NDST1: variants seen among roughly 807,000 people sequenced by gnomAD.
The protein encoded by NDST1 is bifunctional heparan sulfate N-deacetylase/N-sulfotransferase 1.
NDST1 carries 35 observed loss-of-function variants against 92.8 expected under a neutral mutation model. That is an observed-to-expected ratio of 0.38 (90% CI 0.29 to 0.50). The LOEUF is 0.50. Ranked by LOEUF, NDST1 falls within the 20% of genes least tolerant of loss-of-function variation. NDST1 has a pLI of 0.94. For missense variants in NDST1, 822 were observed against 1,182.7 expected (o/e 0.69, Z 4.47); for synonymous variants, 493 against 500.3 (o/e 0.99, Z 0.19).
Position 150,554,050 on chromosome 5 carries a change from A to G in NDST1, c.*718A>G, listed in dbSNP as rs1200643939. ...ACCCCTTTCTTCCCCCTGGGATATG[A>G]TGTGTGGTGTTTCCTGTGGTAAAAG... is the stretch of plus-strand genomic sequence containing the variant. On this transcript the variant is annotated 3_prime_UTR_variant, in exon 15 of 15. Transcript: ENST00000261797. 3 of 406,560 alleles carry G rather than the reference A, an allele frequency of 7.4e-6. No individual in the cohort carries two copies. Among genetic ancestry groups the G allele is most frequent in the African/African-American group, 4.1e-5 (2 of 48,666 alleles). 25.2% of individuals were successfully genotyped at this position (406,560 alleles called of 1,614,324 possible). A position where few individuals can be genotyped will look rare whatever the true frequency, so the allele number is the denominator to read the frequency against.
chr5:150,535,776 T>C lies in NDST1; in HGVS notation c.1328T>C (p.Leu443Pro). 6.2e-7 allele frequency: 1 copy of C among 1,614,224 alleles called. No homozygotes were observed. ...GGCGTGTACCCCGTGCACGTGCAGC[T>C]GTACGAGGCTTGGAAGCAGGTGTGG... ...HSGVYPVHVQ[L>P]YEAWKQVWSI... Residue 443 changes from leucine (L) to proline (P), a missense_variant, in exon 6 of 15, where the codon CTG becomes CCG. Coordinates refer to ENST00000261797, the MANE Select transcript of NDST1 (RefSeq NM_001543.5).
chr5:150,498,128 CA>C (rs955041135), exon 1 of NDST1: 62 of 152,736 alleles, frequency 4.1e-4, no homozygotes, highest in African/African-American at 1.5e-3. Flanking sequence ...CAGCGTGGTG[CA>C]AATAGAAAGT....
intron 1 of NDST1, among the ~76,000 whole-genome samples, chr5:150,517,006 TG>T (rs1754004320): frequency 2.0e-5 from 3 of 151,486 alleles, no homozygotes; most frequent in Non-Finnish European, 4.4e-5. Context: ...TGTGTGTGTG[TG>T]TGTGTGTGTG....
intron 7 of NDST1, chr5:150,539,824 T>G: frequency 1.0e-6 from 1 of 981,332 alleles, no homozygotes; most frequent in Non-Finnish European, 1.2e-6. Flanking sequence ...CCCTAACATT[T>G]ACAAAATAAA....
chr5:150,536,519 A>AAT lies in NDST1; in HGVS notation c.1437+634_1437+635insAT, dbSNP rs1554098347. On this transcript the variant is annotated intron_variant, in intron 6 of 14. Coordinates refer to ENST00000261797, the MANE Select transcript of NDST1 (RefSeq NM_001543.5). ...AGACTCTGTCTCAAAAAAAAAAAAAATTTTTTTTTCCCCTGGGGCTTCTAC... is the reference window on the plus strand; with the variant it reads ...AGACTCTGTCTCAAAAAAAAAAAAAAATTTTTTTTTTCCCCTGGGGCTTCTAC... Among the ~76,000 whole-genome samples the AAT allele has an allele frequency of 0.011, 1,651 of 147,956 alleles. 52 individuals are homozygous for AAT. The East Asian group carries it at 0.13, about 12-fold the overall frequency.
rs1007280362 is a variant in NDST1, at chr5:150,555,396, A to G, written c.*2064A>G. 1.3e-5 allele frequency: 2 copies of G among 152,762 alleles called. No individual in the cohort carries two copies. Among genetic ancestry groups the G allele is most frequent in the Non-Finnish European group, 2.9e-5 (2 of 68,260 alleles). The allele number at this position is 152,762 out of a possible 1,614,324, so 9.5% of individuals were successfully genotyped here. ...CCCTTTTCTCCAGTTCTCTGCTGGGATGAAGAAAGTTGGACACTCAGTGGG... is the reference window on the plus strand; with the variant it reads ...CCCTTTTCTCCAGTTCTCTGCTGGGGTGAAGAAAGTTGGACACTCAGTGGG... On this transcript the variant is annotated 3_prime_UTR_variant, in exon 15 of 15. Coordinates refer to ENST00000261797, the MANE Select transcript of NDST1 (RefSeq NM_001543.5).
intron 1 of NDST1, among the ~76,000 whole-genome samples, chr5:150,509,772 G>A (rs961907169): frequency 3.9e-5 from 6 of 152,180 alleles, no homozygotes; most frequent in Admixed American, 1.3e-4. Flanking sequence ...GCCTCCCAAA[G>A]TGCTGGGATT....
In NDST1 at chr5:150,548,250, A is replaced by G. The variant is rs1468108649; in HGVS notation, c.2178A>G (p.Leu726=). Residue 726 remains leucine, a synonymous_variant, in exon 12 of 15, where the codon CTA becomes CTG. Coordinates refer to ENST00000261797, the MANE Select transcript of NDST1 (RefSeq NM_001543.5). ...GAGCCCATGACGACCCAGTGGCCCT[A>G]AAGTACACCTTCCATGAGGTGATTA... The part of the protein sequence containing the change: ...HQRAHDDPVA[L]KYTFHEVITA... 4 of 1,614,158 alleles carry G rather than the reference A, an allele frequency of 2.5e-6. No individual in the cohort carries two copies. In the Admixed American group the frequency reaches 5.0e-5, roughly 20 times the overall value.
At chr5:150,502,964 A>T (rs569570998) in intron 1 of NDST1, among the ~76,000 whole-genome samples, 59 of 152,212 alleles carry the variant, frequency 3.9e-4, no homozygotes, top group Non-Finnish European at 7.1e-4. Context: ...CACATGGCAC[A>T]GTGGTTAAGA....
chr5:150,544,572 G>A (rs553461426), intron 10 of NDST1, among the ~76,000 whole-genome samples: 1 of 152,334 alleles, frequency 6.6e-6, no homozygotes, highest in South Asian at 2.1e-4. Context: ...CCACCTCACA[G>A]GATAGGATAG....
chr5:150,548,173 T>C (rs767525254), intron 11 of NDST1, 45 bp from the exon 12 acceptor site: 1 of 1,613,024 alleles, frequency 6.2e-7, no homozygotes, highest in Non-Finnish European at 8.5e-7. Context: ...GCCACTTCCT[T>C]TGTGTCCTCC....
At chr5:150,544,784 G>A (rs1011198168) in intron 10 of NDST1, among the ~76,000 whole-genome samples, 2 of 152,218 alleles carry the variant, frequency 1.3e-5, no homozygotes, top group African/African-American at 4.8e-5. Flanking sequence ...AGCAGGCTGG[G>A]GAGGGGTTGT....
At position 150,520,809 on chromosome 5, in the gene NDST1, C is replaced by T. The variant is rs1754214122; in HGVS notation, c.-387-59C>T. 1.7e-5 allele frequency: 7 copies of T among 405,952 alleles called. No homozygotes were observed. In the South Asian group the frequency reaches 8.6e-4, roughly 50 times the overall value. 25.1% of individuals were successfully genotyped at this position (405,952 alleles called of 1,614,324 possible). A position where few individuals can be genotyped will look rare whatever the true frequency, so the allele number is the denominator to read the frequency against. Reference sequence around the variant, plus strand: ...TCCTAGGTCAGCTCCTGTGTGTCCACAGTTAGCTGAACCCTGAAGCCCGCA... The same window carrying T: ...TCCTAGGTCAGCTCCTGTGTGTCCATAGTTAGCTGAACCCTGAAGCCCGCA... On this transcript the variant is annotated intron_variant, in intron 1 of 14. Coordinates refer to ENST00000261797, the MANE Select transcript of NDST1 (RefSeq NM_001543.5).
At chr5:150,545,597 C>G in intron 11 of NDST1, 111 bp downstream of exon 11, 1 of 1,388,214 alleles carries the variant, frequency 7.2e-7, no homozygotes, top group South Asian at 1.3e-5. Context: ...TGTGTGCCAG[C>G]CCTGAGCCAG....
intron 3 of NDST1, among the ~76,000 whole-genome samples, chr5:150,531,315 C>T (rs1016164645): frequency 1.3e-5 from 2 of 152,072 alleles, no homozygotes; most frequent in African/African-American, 4.8e-5. Flanking sequence ...GAGGTGGGCA[C>T]TGAGGCTCAG....
intron 1 of NDST1, among the ~76,000 whole-genome samples, chr5:150,511,803 A>G (rs533509655): frequency 4.6e-4 from 70 of 152,196 alleles, no homozygotes; most frequent in African/African-American, 1.6e-3. Context: ...TCGGCCTCCC[A>G]GGGATGTAAT....
upstream of NDST1, among the ~76,000 whole-genome samples, chr5:150,506,848 C>T (rs1753482023): frequency 1.3e-5 from 2 of 152,182 alleles, no homozygotes; most frequent in East Asian, 1.9e-4. Flanking sequence ...GGTGAAGCCT[C>T]CTTGGTCTCA....
rs113542525 is a variant in NDST1, at chr5:150,541,471, C to T, written c.1750-99C>T. 3.2e-5 allele frequency: 32 copies of T among 1,004,884 alleles called. 2 individuals are homozygous for T. Among genetic ancestry groups the T allele is most frequent in the African/African-American group, 2.4e-4 (15 of 62,912 alleles). The allele number at this position is 1,004,884 out of a possible 1,614,324, so 62.2% of individuals were successfully genotyped here. A position where few individuals can be genotyped will look rare whatever the true frequency, so the allele number is the denominator to read the frequency against. On this transcript the variant is annotated intron_variant, in intron 8 of 14. Coordinates refer to ENST00000261797, the MANE Select transcript of NDST1 (RefSeq NM_001543.5). ...AAGGACACATGTAGCATGTAGGTAT[C>T]ATGCCCATTGGGCTGTAAGGGCCAC...
At position 150,502,816 on chromosome 5, in the gene NDST1, G is replaced by A. The variant is rs181411552; in HGVS notation, c.-388+4577G>A. Among the ~76,000 whole-genome samples the A allele has an allele frequency of 2.0e-5, 3 of 152,116 alleles. No homozygotes were observed. In the East Asian group the frequency reaches 5.8e-4, roughly 29 times the overall value. ...TTCTGGGGTAGGCAAGGTTGGGGGCGGAAGGGTGGGGTGGAGGTTCAGGCC... is the reference window on the plus strand; with the variant it reads ...TTCTGGGGTAGGCAAGGTTGGGGGCAGAAGGGTGGGGTGGAGGTTCAGGCC... On this transcript the variant is annotated intron_variant, in intron 1 of 1. Transcript: ENST00000518299.
Sources: allele counts gnomAD v4.1 joint callset (sites outside exome capture counted in the v4.1 genomes callset), GRCh38; gene constraint gnomAD v4.1.1; transcripts MANE v1.5; gene names NCBI Gene and HGNC (gene_info 2026-07-23, HGNC 2026-07-21).